The following LRMDA variants were observed in gnomAD, a reference collection of about 807,000 sequenced individuals.
LRMDA encodes leucine-rich melanocyte differentiation-associated protein.
A neutral mutation model predicts 29.8 loss-of-function variants in LRMDA; 18 were observed. That is an observed-to-expected ratio of 0.60 (90% CI 0.42 to 0.90). The LOEUF is 0.90. Among genes scored for constraint, LRMDA ranks in the 40% least tolerant of loss-of-function variants. LRMDA has a pLI of 0.00. For synonymous variants in LRMDA, 125 were observed against 109.4 expected, an observed-to-expected ratio of 1.14 and a Z score of -0.89; for missense variants, 273 against 273.9, an observed-to-expected ratio of 1.00 and a Z score of 0.02.
intron 2 of LRMDA, among the ~76,000 whole-genome samples, chr10:75,887,731 G>A (rs1000566121): frequency 6.6e-6 from 1 of 152,112 alleles, no homozygotes; most frequent in Non-Finnish European, 1.5e-5. Context: ...TGGTCTAGAT[G>A]CATATCTGGT....
At chr10:75,643,195 G>C (rs533635737) in intron 2 of LRMDA, 1 of 152,076 alleles carries the variant, frequency 6.6e-6, no homozygotes, top group South Asian at 2.1e-4. Context: ...GATTTCAAGA[G>C]AGTAGGTTAA....
chr10:75,879,197 G>A (rs1274840214), intron 2 of LRMDA, among the ~76,000 whole-genome samples: 1 of 152,174 alleles, frequency 6.6e-6, no homozygotes, highest in African/African-American at 2.4e-5. Context: ...TGAGGAGTGG[G>A]CTGGCATTTT....
intron 2 of LRMDA, among the ~76,000 whole-genome samples, chr10:75,509,264 CTGTGTATA>C (rs1164417370): frequency 1.1e-4 from 16 of 152,048 alleles, no homozygotes; most frequent in Middle Eastern, 6.8e-3. Context: ...GTCGAATGGG[CTGTGTATA>C]TGTGTATATG....
At chr10:76,317,950 T>G (rs1840720895) in intron 5 of LRMDA, among the ~76,000 whole-genome samples, 1 of 152,224 alleles carries the variant, frequency 6.6e-6, no homozygotes, top group African/African-American at 2.4e-5. Flanking sequence ...AACCTATGTA[T>G]TATTTTAATG....
At chr10:76,284,375 G>C (rs1840244451) in intron 5 of LRMDA, among the ~76,000 whole-genome samples, 1 of 152,104 alleles carries the variant, frequency 6.6e-6, no homozygotes, top group African/African-American at 2.4e-5. Flanking sequence ...AGCCAGGGGT[G>C]CAAGACAGGG....
At chr10:75,604,782 G>C (rs1472780442) in intron 2 of LRMDA, among the ~76,000 whole-genome samples, 2 of 152,168 alleles carry the variant, frequency 1.3e-5, no homozygotes, top group African/African-American at 2.4e-5. Context: ...CTCTCAGACT[G>C]GTGTTACCTG....
At chr10:75,451,728 A>G (rs547621719) in intron 2 of LRMDA, 2 of 152,320 alleles carry the variant, frequency 1.3e-5, no homozygotes, top group East Asian at 3.9e-4. Context: ...CTAAGGGGAA[A>G]AAAAGAAAAG....
At chr10:76,246,614 G>A (rs1428670889) in intron 5 of LRMDA, among the ~76,000 whole-genome samples, 1 of 152,206 alleles carries the variant, frequency 6.6e-6, no homozygotes, top group East Asian at 1.9e-4. Flanking sequence ...GTTAGGTCCT[G>A]CAACCTTTCT....
intron 2 of LRMDA, among the ~76,000 whole-genome samples, chr10:75,959,335 CCTT>C (rs1846720952): frequency 6.6e-6 from 1 of 152,262 alleles, no homozygotes; most frequent in Admixed American, 6.5e-5. Flanking sequence ...TGGCCTTCCT[CCTT>C]CTTGTGTGAG....
At chr10:76,324,885 C>G (rs1043717425) in intron 6 of LRMDA, among the ~76,000 whole-genome samples, 1 of 152,228 alleles carries the variant, frequency 6.6e-6, no homozygotes, top group South Asian at 2.1e-4. Flanking sequence ...TGAATGAACT[C>G]TATGTTATAA....
chr10:76,352,028 A>C (rs541412052), intron 6 of LRMDA, among the ~76,000 whole-genome samples: 1 of 152,088 alleles, frequency 6.6e-6, no homozygotes, highest in Admixed American at 6.5e-5. Flanking sequence ...GTACTTGACC[A>C]CTCTGCATCT....
intron 2 of LRMDA, among the ~76,000 whole-genome samples, chr10:75,922,897 G>T (rs1426406383): frequency 6.6e-6 from 1 of 152,006 alleles, no homozygotes; most frequent in Non-Finnish European, 1.5e-5. Context: ...ATTATTGGTG[G>T]TGATGGTGAT....
At chr10:76,394,508 A>ATCT (rs1841760112) in intron 6 of LRMDA, among the ~76,000 whole-genome samples, 1 of 152,176 alleles carries the variant, frequency 6.6e-6, no homozygotes, top group South Asian at 2.1e-4. Flanking sequence ...TGACTGAAGA[A>ATCT]TCTTGCCTTG....
rs117650869 is a variant in LRMDA at position 75,496,802 on chromosome 10, C to T, written c.131+58308C>T. On this transcript the variant is annotated intron_variant, in intron 2 of 6. Coordinates refer to ENST00000611255, the MANE Select transcript of LRMDA (RefSeq NM_001305581.2). ...TGAGAATCTTAACAGAGCTATGGAC[C>T]CACTTCTCAGAAAAATGCACGTATG... Among the ~76,000 whole-genome samples, 773 of 151,964 alleles carry T rather than the reference C, an allele frequency of 5.1e-3. 2 individuals carry two copies. The highest frequency in any genetic ancestry group is 7.3e-3 in the Non-Finnish European group (494 of 67,980).
At chr10:76,321,283 A>T (rs910438062) in intron 5 of LRMDA, among the ~76,000 whole-genome samples, 8 of 152,336 alleles carry the variant, frequency 5.3e-5, no homozygotes, top group African/African-American at 1.9e-4. Context: ...ACGAATGTAC[A>T]TTCCCACCAG....
chr10:75,827,450 C>T (rs957359497), intron 2 of LRMDA, among the ~76,000 whole-genome samples: 9 of 152,148 alleles, frequency 5.9e-5, no homozygotes, highest in Non-Finnish European at 7.4e-5. Context: ...TTTCTTCTTG[C>T]TTGTGATTTT....
chr10:76,300,022 C>A (rs1234538987), intron 5 of LRMDA, among the ~76,000 whole-genome samples: 1 of 152,152 alleles, frequency 6.6e-6, no homozygotes, highest in Non-Finnish European at 1.5e-5. Context: ...TAGGGGTAGT[C>A]ATGGCATAAT....
At chr10:75,915,045 A>G (rs1189109380) in intron 2 of LRMDA, among the ~76,000 whole-genome samples, 2 of 152,006 alleles carry the variant, frequency 1.3e-5, no homozygotes, top group East Asian at 1.9e-4. Context: ...CTGACTACAA[A>G]TACTATAGCT....
chr10:75,744,807 G>A (rs1478748444), intron 2 of LRMDA, among the ~76,000 whole-genome samples: 1 of 152,130 alleles, frequency 6.6e-6, no homozygotes, highest in African/African-American at 2.4e-5. Flanking sequence ...CCTTTCCAGG[G>A]GACATTCCTG....
Sources: gnomAD v4.1 joint callset for allele counts (sites outside exome capture counted in the v4.1 genomes callset) on GRCh38, gnomAD v4.1.1 for gene constraint, MANE v1.5 for transcripts, NCBI Gene and HGNC (gene_info 2026-07-23, HGNC 2026-07-21) for gene names.